The following TP63 variants were observed in gnomAD, a reference collection of about 807,000 sequenced individuals.
TP63 encodes the protein tumor protein 63.
TP63 carries 17 observed loss-of-function variants against 82.8 expected under a neutral mutation model. The observed-to-expected ratio is 0.21, with a 90% CI of 0.14 to 0.31. The LOEUF (loss-of-function observed/expected upper bound fraction) is 0.31. TP63 is among the 10% of genes least tolerant of loss of function. The probability of loss-of-function intolerance (pLI) is 1.00; values close to 1 mark genes in which losing one functional copy is unlikely to be tolerated. For missense variants in TP63, 648 were observed against 895.3 expected (o/e 0.72, Z 3.52); for synonymous variants, 330 against 321.7 (o/e 1.03, Z -0.28).
upstream of TP63, among the ~76,000 whole-genome samples, chr3:189,628,542 C>G (rs1310860439): frequency 6.6e-6 from 1 of 152,094 alleles, no homozygotes; most frequent in East Asian, 1.9e-4. Flanking sequence ...GTACTTTCTT[C>G]TCCCCTCCAT....
chr3:189,627,858 T>C (rs1352060879), upstream of TP63, among the ~76,000 whole-genome samples: 1 of 152,154 alleles, frequency 6.6e-6, no homozygotes, highest in Non-Finnish European at 1.5e-5. Context: ...ACACTTGGAA[T>C]TGGCGAATTT....
intron 1 of TP63, among the ~76,000 whole-genome samples, chr3:189,667,219 G>A (rs564162379): frequency 1.2e-4 from 18 of 145,194 alleles, no homozygotes; most frequent in African/African-American, 4.4e-4. Flanking sequence ...TCACCCAGGC[G>A]AGAGTAGTAC....
At chr3:189,727,900 A>G (rs1719884845) in intron 1 of TP63, among the ~76,000 whole-genome samples, 1 of 152,238 alleles carries the variant, frequency 6.6e-6, no homozygotes, top group Non-Finnish European at 1.5e-5. Flanking sequence ...CATTTTAAAC[A>G]AGATACTCAA....
At chr3:189,827,920 T>C (rs541912695) in intron 4 of TP63, among the ~76,000 whole-genome samples, 10 of 152,162 alleles carry the variant, frequency 6.6e-5, no homozygotes, top group South Asian at 4.1e-4. Context: ...GGGAGGCTAA[T>C]TGGAAAGGTG....
At chr3:189,699,606 G>C (rs905509239) in intron 1 of TP63, among the ~76,000 whole-genome samples, 2 of 151,968 alleles carry the variant, frequency 1.3e-5, no homozygotes, top group Non-Finnish European at 2.9e-5. Context: ...AGGAAAGTAG[G>C]ATCTACCTGC....
chr3:189,645,467 A>G (rs1356813733), intron 1 of TP63: 1 of 259,306 alleles, frequency 3.9e-6, no homozygotes, highest in East Asian at 6.7e-5. Flanking sequence ...CTTCTTTTTT[A>G]AATTTTTTTT....
At chr3:189,793,614 C>T (rs1725386404) in intron 3 of TP63, among the ~76,000 whole-genome samples, 1 of 152,046 alleles carries the variant, frequency 6.6e-6, no homozygotes, top group Admixed American at 6.6e-5. Context: ...TGGGTGGAAT[C>T]TGAGCTGGTA....
intron 1 of TP63, among the ~76,000 whole-genome samples, chr3:189,707,913 G>A (rs953622191): frequency 2.6e-5 from 4 of 152,156 alleles, no homozygotes; most frequent in Admixed American, 6.5e-5. Flanking sequence ...TGTACATTGC[G>A]TACATACATA....
In TP63 at chr3:189,648,251, A is replaced by G. The variant is rs1373316280; in HGVS notation, c.62+16674A>G. 2.7e-5 allele frequency among the ~76,000 whole-genome samples: 4 copies of G among 147,226 alleles called. 1 individual carries two copies. Among genetic ancestry groups the G allele is most frequent in the Non-Finnish European group, 5.9e-5 (4 of 67,414 alleles). On this transcript the variant is annotated intron_variant, in intron 1 of 13. Coordinates refer to ENST00000264731, the MANE Select transcript of TP63 (RefSeq NM_003722.5). ...GACCCCCTTCCCTTCACACATTCTC[A>G]ATTCCTAGTTTCTTATTTATGTTAT... is the stretch of plus-strand genomic sequence containing the variant.
At chr3:189,643,912 A>G (rs182008290) in intron 1 of TP63, among the ~76,000 whole-genome samples, 493 of 152,298 alleles carry the variant, frequency 3.2e-3, no homozygotes, top group Non-Finnish European at 5.6e-3. Context: ...TCAACCATCA[A>G]AGTGATTTAC....
chr3:189,741,637 G>GA (rs1210220530), intron 3 of TP63, among the ~76,000 whole-genome samples: 6 of 152,116 alleles, frequency 3.9e-5, no homozygotes, highest in South Asian at 2.1e-4. Context: ...TTATAGACAT[G>GA]AAAAAACATG....
intron 1 of TP63, among the ~76,000 whole-genome samples, chr3:189,651,139 G>C (rs752055125): frequency 1.4e-5 from 2 of 147,332 alleles, no homozygotes; most frequent in African/African-American, 2.5e-5. Flanking sequence ...TTGAACTTGA[G>C]AGAGATTATT....
chr3:189,847,578 A>G (rs892877825), intron 4 of TP63, among the ~76,000 whole-genome samples: 2 of 152,136 alleles, frequency 1.3e-5, no homozygotes, highest in African/African-American at 4.8e-5. Context: ...CCCCCCACCC[A>G]TCACAGTATT....
chr3:189,758,921 G>A (rs1218773121), intron 3 of TP63, among the ~76,000 whole-genome samples: 2 of 152,126 alleles, frequency 1.3e-5, no homozygotes, highest in South Asian at 2.1e-4. Context: ...ACACTCTTTT[G>A]TCTGTTCAGG....
At position 189,889,444 on chromosome 3, in the gene TP63, A is replaced by G. The variant is rs565094952; in HGVS notation, c.1612A>G (p.Thr538Ala). The G allele has an allele frequency of 5.0e-6, 8 of 1,613,456 alleles. No homozygotes were observed. In the East Asian group the frequency reaches 1.8e-4, roughly 36 times the overall value. ...CTCCATGCCATCCACCTCCCACTGC[A>G]CACCCCCACCTCCGTATCCCACAGA... ...PLSMPSTSHC[T>A]PPPPYPTDCS... is the part of the protein sequence containing the mutation. Residue 538 changes from threonine to alanine, a missense_variant, in exon 12 of 14, where the codon ACA (threonine) becomes GCA (alanine). Thr to Ala is a moderately conservative substitution (Grantham distance 58). This residue lies in a region of TP63 where 342 missense variants were observed against 425.7 expected (regional missense o/e 0.80). Coordinates refer to ENST00000264731, the MANE Select transcript of TP63 (RefSeq NM_003722.5).
chr3:189,853,238 A>G (rs1351643066), intron 4 of TP63, among the ~76,000 whole-genome samples: 3 of 152,174 alleles, frequency 2.0e-5, no homozygotes. Context: ...CAGCTACAGT[A>G]GTCTTATAGA....
intron 1 of TP63, among the ~76,000 whole-genome samples, chr3:189,693,244 A>G (rs1577251966): frequency 6.6e-6 from 1 of 152,204 alleles, no homozygotes; most frequent in African/African-American, 2.4e-5. Context: ...TTTATAAAGT[A>G]TATACATTTT....
At chr3:189,623,812 G>C in the TP63 span, among the ~76,000 whole-genome samples, 2 of 151,822 alleles carry the variant, frequency 1.3e-5, no homozygotes, top group Non-Finnish European at 2.9e-5. Context: ...TCAGAGACCA[G>C]ACACACTAAA....
At chr3:189,742,807 G>T (rs1033469294) in intron 3 of TP63, among the ~76,000 whole-genome samples, 2 of 152,182 alleles carry the variant, frequency 1.3e-5, no homozygotes, top group African/African-American at 2.4e-5. Flanking sequence ...AAAGTAGTTA[G>T]ATATATGTGT....
Sources: allele counts gnomAD v4.1 joint callset (sites outside exome capture counted in the v4.1 genomes callset), GRCh38; gene constraint gnomAD v4.1.1; regional missense constraint gnomAD v4.1.1; transcripts MANE v1.5; gene names NCBI Gene and HGNC (gene_info 2026-07-23, HGNC 2026-07-21).